NRG1: variants seen among roughly 807,000 people sequenced by gnomAD.
NRG1 encodes neuregulin 1, also known as pro-neuregulin-1, membrane-bound isoform.
Under a neutral mutation model 63.8 loss-of-function variants are expected in NRG1, and 18 were observed. The observed-to-expected ratio is 0.28, with a 90% CI of 0.19 to 0.42. The LOEUF (loss-of-function observed/expected upper bound fraction) is 0.42, where lower values mean the gene tolerates loss of function less well. Ranked by LOEUF, NRG1 falls within the 10% of genes least tolerant of loss-of-function variation. The pLI is 1.00. For missense variants in NRG1, 762 were observed against 814.7 expected, an observed-to-expected ratio of 0.94 and a Z score of 0.79; for synonymous variants, 302 against 301.3, an observed-to-expected ratio of 1.00 and a Z score of -0.02.
At chr8:31,998,878 A>G (rs1294442989) in intron 1 of NRG1, among the ~76,000 whole-genome samples, 3 of 151,984 alleles carry the variant, frequency 2.0e-5, no homozygotes, top group Non-Finnish European at 2.9e-5. Flanking sequence ...GTAAATTCTG[A>G]ATGAATTTCT....
chr8:32,314,688 G>A (rs1007654924), intron 1 of NRG1, among the ~76,000 whole-genome samples: 1 of 152,130 alleles, frequency 6.6e-6, no homozygotes, highest in African/African-American at 2.4e-5. Context: ...GAAAGACGAG[G>A]AAGGGAGCAC....
intron 5 of NRG1, chr8:32,646,852 G>T: frequency 1.0e-6 from 1 of 984,970 alleles, no homozygotes. Flanking sequence ...ACTCAGACCA[G>T]CCTGCAGCTC....
intron 1 of NRG1, among the ~76,000 whole-genome samples, chr8:32,195,449 A>AC (rs1842868170): frequency 6.6e-6 from 1 of 151,410 alleles, no homozygotes. Flanking sequence ...AAAAAAAAAA[A>AC]AAAAATGTCC....
intron 1 of NRG1, among the ~76,000 whole-genome samples, chr8:32,495,887 TC>T (rs1386171646): frequency 6.6e-6 from 1 of 152,218 alleles, no homozygotes; most frequent in Non-Finnish European, 1.5e-5. Context: ...ACCTTCCCAG[TC>T]CAGTCTATCG....
chr8:32,148,238 A>G (rs1837113729), intron 1 of NRG1, among the ~76,000 whole-genome samples: 1 of 152,202 alleles, frequency 6.6e-6, no homozygotes, highest in Non-Finnish European at 1.5e-5. Flanking sequence ...TTATCCAGGT[A>G]GACACAGCCA....
At chr8:32,197,142 G>A (rs192713532) in intron 1 of NRG1, among the ~76,000 whole-genome samples, 12 of 151,174 alleles carry the variant, frequency 7.9e-5, no homozygotes, top group Admixed American at 6.6e-5. Flanking sequence ...GTATTTTTTA[G>A]TACAAAATGG....
chr8:32,302,425 A>G (rs1855680599), intron 1 of NRG1, among the ~76,000 whole-genome samples: 1 of 152,226 alleles, frequency 6.6e-6, no homozygotes, highest in African/African-American at 2.4e-5. Context: ...GGCTGTGTGT[A>G]AACTTACGTG....
chr8:31,861,533 A>G (rs1393706934), intron 1 of NRG1, among the ~76,000 whole-genome samples: 1 of 152,196 alleles, frequency 6.6e-6, no homozygotes, highest in Non-Finnish European at 1.5e-5. Flanking sequence ...TTGTCCACCA[A>G]TTGTCCCAGG....
intron 1 of NRG1, chr8:31,641,849 A>T (rs1469454004): frequency 6.6e-6 from 1 of 152,024 alleles, no homozygotes; most frequent in Admixed American, 6.6e-5. Flanking sequence ...TCTGCCTGTG[A>T]TGGAGAGTGT....
intron 1 of NRG1, among the ~76,000 whole-genome samples, chr8:32,222,245 T>C (rs142804109): frequency 1.3e-5 from 2 of 152,256 alleles, no homozygotes; most frequent in East Asian, 3.9e-4. Flanking sequence ...AAAAAAGAGA[T>C]AAAAATAAAG....
intron 1 of NRG1, among the ~76,000 whole-genome samples, chr8:32,318,425 T>C (rs1372517274): frequency 6.6e-6 from 1 of 152,154 alleles, no homozygotes; most frequent in Non-Finnish European, 1.5e-5. Context: ...TTCAGCCCCT[T>C]GGAGCCATTA....
intron 1 of NRG1, among the ~76,000 whole-genome samples, chr8:32,047,047 T>A (rs1216494713): frequency 6.6e-6 from 1 of 152,024 alleles, no homozygotes; most frequent in African/African-American, 2.4e-5. Context: ...TCCCAACGTA[T>A]TTTTTTGCCC....
chr8:32,305,496 A>G (rs777124353), intron 1 of NRG1, among the ~76,000 whole-genome samples: 12 of 152,332 alleles, frequency 7.9e-5, no homozygotes, highest in Admixed American at 2.0e-4. Flanking sequence ...CTAGTGCTGA[A>G]GAGTTTCAAA....
intron 5 of NRG1, among the ~76,000 whole-genome samples, chr8:32,692,196 A>G (rs1811922591): frequency 1.3e-5 from 2 of 152,334 alleles, no homozygotes; most frequent in African/African-American, 4.8e-5. Context: ...TATTACATAC[A>G]TTCACCATGA....
intron 1 of NRG1, among the ~76,000 whole-genome samples, chr8:32,424,579 G>A (rs1374875159): frequency 6.6e-6 from 1 of 152,046 alleles, no homozygotes; most frequent in African/African-American, 2.4e-5. Flanking sequence ...TAGAATCTTG[G>A]GCAATTCTAG....
chr8:32,687,427 C>T (rs1407857358), intron 5 of NRG1, among the ~76,000 whole-genome samples: 1 of 152,114 alleles, frequency 6.6e-6, no homozygotes, highest in Non-Finnish European at 1.5e-5. Flanking sequence ...TCCCAAAGGT[C>T]AGGGGAAGAA....
intron 1 of NRG1, among the ~76,000 whole-genome samples, chr8:31,779,844 C>T (rs1009603145): frequency 1.3e-5 from 2 of 152,150 alleles, no homozygotes; most frequent in Non-Finnish European, 2.9e-5. Flanking sequence ...ATGGATCTTT[C>T]AACATGCTTA....
At chr8:31,708,412 G>T (rs1414177645) in intron 1 of NRG1, among the ~76,000 whole-genome samples, 3 of 150,934 alleles carry the variant, frequency 2.0e-5, no homozygotes, top group Non-Finnish European at 4.4e-5. Context: ...AACAACTTCC[G>T]ATTATTACTT....
At chr8:31,742,455 ATTTTTTTTTTT>A (rs36040084) in intron 1 of NRG1, among the ~76,000 whole-genome samples, 13 of 80,024 alleles carry the variant, frequency 1.6e-4, no homozygotes, top group African/African-American at 5.9e-4. Context: ...TTTTTTAAGA[ATTTTTTTTTTT>A]TTTTTTTTTT....
Sources: gnomAD v4.1 joint callset for allele counts (sites outside exome capture counted in the v4.1 genomes callset) on GRCh38, gnomAD v4.1.1 for gene constraint, MANE v1.5 for transcripts, NCBI Gene and HGNC (gene_info 2026-07-23, HGNC 2026-07-21) for gene names.